ADD3: variants seen among roughly 807,000 people sequenced by gnomAD.
ADD3 encodes the protein gamma-adducin.
In ADD3, 25 loss-of-function variants were observed where a neutral mutation model predicts 80.2. That is an observed-to-expected ratio of 0.31 (90% CI 0.23 to 0.44). ADD3 has a LOEUF of 0.44. Among genes scored for constraint, ADD3 ranks in the 20% least tolerant of loss-of-function variants. ADD3 has a pLI of 1.00. For synonymous variants in ADD3, 284 were observed against 289.6 expected (o/e 0.98, Z 0.20); for missense variants, 829 against 847.5 (o/e 0.98, Z 0.27).
intron 1 of ADD3, among the ~76,000 whole-genome samples, chr10:110,034,658 A>C (rs1244556371): frequency 6.6e-6 from 1 of 152,290 alleles, no homozygotes; most frequent in East Asian, 1.9e-4. Flanking sequence ...TAAGCAAATT[A>C]CTTACGTATA....
chr10:110,005,976 CTGCTGCTGCTAA>C (rs1369074576), upstream of ADD3: 5 of 244,208 alleles, frequency 2.0e-5, no homozygotes, highest in Middle Eastern at 5.6e-4. Context: ...TTGAGAGAAG[CTGCTGCTGCTAA>C]TGCTGCTGCT....
At chr10:110,045,659 ACTT>A (rs1856833027) in intron 1 of ADD3, among the ~76,000 whole-genome samples, 1 of 152,234 alleles carries the variant, frequency 6.6e-6, no homozygotes, top group African/African-American at 2.4e-5. Flanking sequence ...GATTCTATCT[ACTT>A]CTATCATTTA....
intron 12 of ADD3, among the ~76,000 whole-genome samples, chr10:110,128,833 T>G (rs1852546772): frequency 6.6e-6 from 1 of 152,220 alleles, no homozygotes; most frequent in African/African-American, 2.4e-5. Flanking sequence ...TTTCTTCATT[T>G]GCCTTTGTTG....
chr10:109,999,412 C>T (rs1034697193), intron 1 of ADD3, among the ~76,000 whole-genome samples: 1 of 152,206 alleles, frequency 6.6e-6, no homozygotes, highest in African/African-American at 2.4e-5. Flanking sequence ...GTTTTTCCCC[C>T]ATTAAAGTTC....
chr10:109,998,211 T>C (rs542781600), intron 1 of ADD3, among the ~76,000 whole-genome samples: 47 of 152,198 alleles, frequency 3.1e-4, no homozygotes, highest in Non-Finnish European at 5.9e-4. Context: ...CTTTTATCTG[T>C]TATACTACTT....
intron 1 of ADD3, among the ~76,000 whole-genome samples, chr10:109,998,026 G>C (rs1851414028): frequency 6.6e-6 from 1 of 152,194 alleles, no homozygotes; most frequent in African/African-American, 2.4e-5. Context: ...ACTCTAGACT[G>C]TACTAGGGAT....
rs1023081396 is a variant in ADD3, at chr10:110,090,748, T to C, written c.-29-9877T>C. 5.3e-5 allele frequency among the ~76,000 whole-genome samples: 8 copies of C among 152,334 alleles called. No homozygotes were observed. The East Asian group carries it at 1.5e-3, about 29-fold the overall frequency. ...TGACACATATTTTATCTTTTTTAAA[T>C]GACTGCTTAGTCAGACATCAACTTC... On this transcript the variant is annotated intron_variant, in intron 1 of 14. Coordinates refer to ENST00000356080, the MANE Select transcript of ADD3 (RefSeq NM_016824.5).
rs1003532806 is a variant in ADD3, at chr10:110,081,181, A to G, written c.-29-19444A>G. Among the ~76,000 whole-genome samples, 8 of 152,346 alleles carry G rather than the reference A, an allele frequency of 5.3e-5. No individual in the cohort carries two copies. The East Asian group carries it at 1.5e-3, about 29-fold the overall frequency. On this transcript the variant is annotated intron_variant, in intron 1 of 14. Transcript: ENST00000356080. Reference sequence around the variant, plus strand: ...TAATATACCTTGAATATACTTTTCTATAATCTGAGATATTATTATTATTCA... The same window carrying G: ...TAATATACCTTGAATATACTTTTCTGTAATCTGAGATATTATTATTATTCA...
At chr10:110,038,300 G>A (rs1589824629) in intron 1 of ADD3, among the ~76,000 whole-genome samples, 1 of 152,026 alleles carries the variant, frequency 6.6e-6, no homozygotes, top group South Asian at 2.1e-4. Flanking sequence ...TCATCTGGTG[G>A]CCCCCATCCC....
At chr10:110,066,094 G>A (rs1029095052) in intron 1 of ADD3, among the ~76,000 whole-genome samples, 1 of 152,206 alleles carries the variant, frequency 6.6e-6, no homozygotes, top group East Asian at 1.9e-4. Context: ...ACCACTTCAT[G>A]TTTCTCTCTT....
At chr10:110,091,178 A>T (rs1319028988) in intron 1 of ADD3, among the ~76,000 whole-genome samples, 1 of 152,152 alleles carries the variant, frequency 6.6e-6, no homozygotes, top group South Asian at 2.1e-4. Context: ...TTGTGATCAT[A>T]TAATATTTTC....
At chr10:110,005,337 G>C (rs1428350916), upstream of ADD3, among the ~76,000 whole-genome samples, 1 of 152,162 alleles carries the variant, frequency 6.6e-6, no homozygotes, top group Non-Finnish European at 1.5e-5. Flanking sequence ...TGGGATTACA[G>C]GCGTGAGCCA....
chr10:110,064,657 A>T (rs1032287817), intron 1 of ADD3, among the ~76,000 whole-genome samples: 28 of 152,200 alleles, frequency 1.8e-4, no homozygotes, highest in African/African-American at 6.8e-4. Flanking sequence ...ATACCCTTAA[A>T]ATGTTAACAT....
chr10:110,123,089 T>G (rs1266548149), intron 9 of ADD3, among the ~76,000 whole-genome samples: 1 of 152,254 alleles, frequency 6.6e-6, no homozygotes, highest in Non-Finnish European at 1.5e-5. Flanking sequence ...TCCATTATGT[T>G]GTATATACCA....
Position 110,122,262 on chromosome 10 carries a change from T to C in ADD3, c.1113T>C (p.Phe371=). The C allele has an allele frequency of 6.2e-7, 1 of 1,614,100 alleles. No homozygotes were observed. Among genetic ancestry groups the C allele is most frequent in the East Asian group, 2.2e-5 (1 of 44,880 alleles). The change falls in exon 9 of 15, where the codon TTT becomes TTC. Residue 371 remains phenylalanine, a synonymous_variant. Coordinates refer to ENST00000356080, the MANE Select transcript of ADD3 (RefSeq NM_016824.5). The part of the protein sequence containing the change: ...HQKWKVGEIE[F]EGLMRTLDNL... Reference sequence around the variant, plus strand: ...AATGGAAGGTTGGCGAAATTGAGTTTGAAGGGCTTATGAGGACTCTGGACA... The same window carrying C: ...AATGGAAGGTTGGCGAAATTGAGTTCGAAGGGCTTATGAGGACTCTGGACA...
upstream of ADD3, chr10:110,006,000 CTG>C: frequency 4.1e-6 from 1 of 245,522 alleles, no homozygotes; most frequent in Non-Finnish European, 8.3e-6. Flanking sequence ...GCTGCTGCTG[CTG>C]CTGCCGCCGC....
chr10:110,072,852 A>G (rs981061092), intron 1 of ADD3, among the ~76,000 whole-genome samples: 8 of 152,206 alleles, frequency 5.3e-5, no homozygotes, highest in Non-Finnish European at 1.0e-4. Context: ...AATTAAAACT[A>G]TAGGATGGCA....
intron 1 of ADD3, among the ~76,000 whole-genome samples, chr10:110,032,345 G>A (rs951688873): frequency 7.9e-5 from 12 of 152,146 alleles, no homozygotes; most frequent in African/African-American, 2.2e-4. Flanking sequence ...AATCATGAGT[G>A]CTCTTAAAGG....
At chr10:110,040,929 GCT>G (rs35429760) in intron 1 of ADD3, among the ~76,000 whole-genome samples, 2 of 133,486 alleles carry the variant, frequency 1.5e-5, no homozygotes, top group Admixed American at 7.8e-5. Context: ...TCTCTCTCTC[GCT>G]CTCTCTCTCT....
Sources: allele counts gnomAD v4.1 joint callset (sites outside exome capture counted in the v4.1 genomes callset), GRCh38; gene constraint gnomAD v4.1.1; transcripts MANE v1.5; gene names NCBI Gene and HGNC (gene_info 2026-07-23, HGNC 2026-07-21).